The following CLIC5 variants were observed in gnomAD, a reference collection of about 807,000 sequenced individuals.
CLIC5 encodes CLIC family member 5, also known as chloride intracellular channel protein 5.
Under a neutral mutation model 24.7 loss-of-function variants are expected in CLIC5, and 20 were observed. The observed-to-expected ratio is 0.81, with a 90% confidence interval of 0.57 to 1.18. The LOEUF is 1.18. Among genes scored for constraint, CLIC5 ranks in the 50% most tolerant of loss-of-function variants. The pLI is 0.00. For synonymous variants in CLIC5, 159 were observed against 135.6 expected (o/e 1.17, Z -1.20); for missense variants, 341 against 326.1 (o/e 1.05, Z -0.35).
At chr6:45,892,000 G>A (rs1208806497) in intron 6 of CLIC5, 1 of 152,078 alleles carries the variant, frequency 6.6e-6, no homozygotes, top group Non-Finnish European at 1.5e-5. Flanking sequence ...GCTACTACAG[G>A]GTTTCCCATA....
chr6:46,004,409 A>T (rs552716065), intron 1 of CLIC5, among the ~76,000 whole-genome samples: 1 of 152,168 alleles, frequency 6.6e-6, no homozygotes, highest in Non-Finnish European at 1.5e-5. Context: ...TGATTCGACC[A>T]TGCAAACCTA....
At chr6:46,115,825 G>T in the CLIC5 span, among the ~76,000 whole-genome samples, 5 of 152,194 alleles carry the variant, frequency 3.3e-5, no homozygotes, top group African/African-American at 1.2e-4. Context: ...AAATCAGATG[G>T]CATTTATGCC....
chr6:46,028,101 C>T (rs951723422), intron 1 of CLIC5, among the ~76,000 whole-genome samples: 2 of 152,186 alleles, frequency 1.3e-5, no homozygotes, highest in Non-Finnish European at 2.9e-5. Flanking sequence ...TTCATGAAGC[C>T]TCCCAACATT....
At chr6:45,942,872 T>C (rs1183469840) in intron 3 of CLIC5, among the ~76,000 whole-genome samples, 1 of 152,226 alleles carries the variant, frequency 6.6e-6, no homozygotes, top group Non-Finnish European at 1.5e-5. Flanking sequence ...GTCCTCCTTT[T>C]ACATGGAAGG....
At chr6:45,938,793 G>A (rs1479375007) in intron 4 of CLIC5, among the ~76,000 whole-genome samples, 7 of 152,110 alleles carry the variant, frequency 4.6e-5, no homozygotes, top group Admixed American at 1.3e-4. Flanking sequence ...CTTTCTGAGG[G>A]CACTTTGACA....
intron 1 of CLIC5, among the ~76,000 whole-genome samples, chr6:46,043,411 C>A (rs117414876): frequency 3.9e-5 from 6 of 152,142 alleles, no homozygotes; most frequent in Non-Finnish European, 8.8e-5. Context: ...TGCTTATGCA[C>A]CATGTTCTCA....
At chr6:45,957,263 C>T (rs1231393541) in intron 1 of CLIC5, among the ~76,000 whole-genome samples, 2 of 152,116 alleles carry the variant, frequency 1.3e-5, no homozygotes, top group Admixed American at 6.6e-5. Flanking sequence ...TTAATAATAA[C>T]ATATCTATAT....
upstream of CLIC5, among the ~76,000 whole-genome samples, chr6:46,018,173 C>T (rs944858931): frequency 6.6e-6 from 1 of 152,112 alleles, no homozygotes; most frequent in Non-Finnish European, 1.5e-5. Context: ...TTCTTAATGG[C>T]AATGTGGCAG....
intron 1 of CLIC5, among the ~76,000 whole-genome samples, chr6:45,960,702 C>G (rs1176950631): frequency 2.6e-5 from 4 of 152,220 alleles, no homozygotes; most frequent in Non-Finnish European, 5.9e-5. Flanking sequence ...TTGGTCACCC[C>G]CTTTGCAAGC....
intron 3 of CLIC5, among the ~76,000 whole-genome samples, chr6:45,948,514 G>A (rs1173122371): frequency 1.3e-5 from 2 of 152,140 alleles, no homozygotes; most frequent in African/African-American, 4.8e-5. Context: ...TACCCTACAG[G>A]ATAAAGTTCA....
At chr6:46,125,419 C>A in the CLIC5 span, among the ~76,000 whole-genome samples, 1 of 151,910 alleles carries the variant, frequency 6.6e-6, no homozygotes, top group Non-Finnish European at 1.5e-5. Context: ...CACACCAGGG[C>A]CTGTTGTGGG....
chr6:46,031,076 C>T (rs1767485193), intron 1 of CLIC5, among the ~76,000 whole-genome samples: 1 of 152,220 alleles, frequency 6.6e-6, no homozygotes, highest in South Asian at 2.1e-4. Context: ...ATATCAGTCT[C>T]TGTCTACATT....
intron 3 of CLIC5, among the ~76,000 whole-genome samples, chr6:45,947,831 A>C (rs1164183803): frequency 6.6e-6 from 1 of 152,056 alleles, no homozygotes; most frequent in Non-Finnish European, 1.5e-5. Flanking sequence ...GGGCTGTCCT[A>C]TTGATTTAAT....
At chr6:46,039,182 A>G (rs545708131) in intron 1 of CLIC5, among the ~76,000 whole-genome samples, 1 of 152,268 alleles carries the variant, frequency 6.6e-6, no homozygotes, top group South Asian at 2.1e-4. Context: ...AAAATCTGAA[A>G]CACTGATTTT....
intron 1 of CLIC5, among the ~76,000 whole-genome samples, chr6:46,026,079 T>C (rs1027712715): frequency 6.6e-6 from 1 of 152,294 alleles, no homozygotes; most frequent in Non-Finnish European, 1.5e-5. Context: ...TATTTCACTG[T>C]TTCTCCCTGG....
chr6:46,066,879 A>G (rs1762457443), intron 1 of CLIC5, among the ~76,000 whole-genome samples: 1 of 152,180 alleles, frequency 6.6e-6, no homozygotes, highest in African/African-American at 2.4e-5. Context: ...CAGAGGTATC[A>G]GCATGGGCAA....
chr6:45,928,156 C>T (rs1763575472), intron 4 of CLIC5, among the ~76,000 whole-genome samples: 2 of 152,260 alleles, frequency 1.3e-5, no homozygotes, highest in East Asian at 1.9e-4. Flanking sequence ...TTCCATGTAG[C>T]AACTTTTTCC....
chr6:45,926,498 C>T (rs925093360), intron 4 of CLIC5, among the ~76,000 whole-genome samples: 5 of 151,782 alleles, frequency 3.3e-5, no homozygotes, highest in South Asian at 4.2e-4. Context: ...CCTTGTGATC[C>T]GCCCCCCTCG....
chr6:46,006,445 C>T (rs1206023706), intron 1 of CLIC5, among the ~76,000 whole-genome samples: 1 of 151,690 alleles, frequency 6.6e-6, no homozygotes, highest in African/African-American at 2.4e-5. Context: ...CGCCTGGCCC[C>T]TAACTTACAT....
Sources: allele counts gnomAD v4.1 joint callset (sites outside exome capture counted in the v4.1 genomes callset), GRCh38; gene constraint gnomAD v4.1.1; transcripts MANE v1.5; gene names NCBI Gene and HGNC (gene_info 2026-07-23, HGNC 2026-07-21).